Variants in CNTN4 observed in about 807,000 individuals in gnomAD.
CNTN4 encodes contactin 4.
In CNTN4, 77 loss-of-function variants were observed where a neutral mutation model predicts 122.5. The observed-to-expected ratio is 0.63, with a 90% CI of 0.52 to 0.76. The LOEUF (loss-of-function observed/expected upper bound fraction) is 0.76, where lower values mean the gene tolerates loss of function less well. Among genes scored for constraint, CNTN4 ranks in the 30% least tolerant of loss-of-function variants. The pLI, the probability that CNTN4 is intolerant of heterozygous loss-of-function variation, is 0.00. For missense variants in CNTN4, 1,256 were observed against 1,259.1 expected (o/e 1.00, Z 0.04); for synonymous variants, 512 against 447.0 (o/e 1.15, Z -1.83).
chr3:2,980,087 G>A (rs1693818083), intron 13 of CNTN4, among the ~76,000 whole-genome samples: 1 of 152,158 alleles, frequency 6.6e-6, no homozygotes, highest in Non-Finnish European at 1.5e-5. Flanking sequence ...ACTTTTCAAT[G>A]GCTGCAACTC....
Position 2,659,328 on chromosome 3 carries a change from G to A in CNTN4, c.56-76887G>A, listed in dbSNP as rs528534393. Among the ~76,000 whole-genome samples, 53 of 151,938 alleles carry A rather than the reference G, an allele frequency of 3.5e-4. 2 individuals carry two copies. The South Asian group carries it at 0.01, about 30-fold the overall frequency. Reference sequence around the variant, plus strand: ...AATACAAAAATTAGCCAGGTGTAATGGTACATGTCTGTATTCCCAGCTACT... The same window carrying A: ...AATACAAAAATTAGCCAGGTGTAATAGTACATGTCTGTATTCCCAGCTACT... On this transcript the variant is annotated intron_variant, in intron 4 of 24. Coordinates refer to ENST00000418658, the MANE Select transcript of CNTN4 (RefSeq NM_175607.3).
At chr3:2,962,668 T>C (rs766664358) in intron 13 of CNTN4, among the ~76,000 whole-genome samples, 1 of 152,168 alleles carries the variant, frequency 6.6e-6, no homozygotes, top group African/African-American at 2.4e-5. Flanking sequence ...TGTATGACTA[T>C]TGTAGCTTTG....
At chr3:3,024,680 G>A (rs113389588) in intron 14 of CNTN4, among the ~76,000 whole-genome samples, 10,654 of 152,074 alleles carry the variant, frequency 0.07, 540 homozygotes, top group Admixed American at 0.1. Flanking sequence ...TTAGAACAGA[G>A]ATTTCCCTTT....
chr3:2,136,153 A>G (rs1363780720), intron 2 of CNTN4, among the ~76,000 whole-genome samples: 1 of 152,158 alleles, frequency 6.6e-6, no homozygotes, highest in African/African-American at 2.4e-5. Flanking sequence ...AGGTGTAAGG[A>G]TGTAATCCCA....
intron 3 of CNTN4, among the ~76,000 whole-genome samples, chr3:2,548,790 G>A (rs1427191415): frequency 1.3e-5 from 2 of 152,106 alleles, no homozygotes; most frequent in Non-Finnish European, 2.9e-5. Flanking sequence ...TCATGATATT[G>A]ATTCTTCCTA....
intron 4 of CNTN4, among the ~76,000 whole-genome samples, chr3:2,699,599 G>A (rs2086246694): frequency 6.6e-6 from 1 of 152,184 alleles, no homozygotes; most frequent in African/African-American, 2.4e-5. Flanking sequence ...TCACTCCAAA[G>A]TGTTGTCAGG....
In CNTN4 at chr3:3,024,840, C is replaced by T. The variant is rs371596563; in HGVS notation, c.1487-1262C>T. 5.8e-4 allele frequency among the ~76,000 whole-genome samples: 88 copies of T among 152,238 alleles called. 2 individuals are homozygous for T. In the South Asian group the frequency reaches 0.016, roughly 28 times the overall value. ...TCAGATATAATTACAAAATTCCCAG[C>T]GGATATTTTAATCCCAGAGGTTCCC... On this transcript the variant is annotated intron_variant, in intron 14 of 24. Transcript: ENST00000418658.
At chr3:2,712,415 A>T (rs568546561) in intron 4 of CNTN4, among the ~76,000 whole-genome samples, 1 of 152,322 alleles carries the variant, frequency 6.6e-6, no homozygotes, top group South Asian at 2.1e-4. Context: ...TAGAGGAGAA[A>T]AGGTAACATC....
At chr3:2,740,003 G>A (rs775741281) in intron 5 of CNTN4, among the ~76,000 whole-genome samples, 10 of 152,100 alleles carry the variant, frequency 6.6e-5, no homozygotes, top group East Asian at 1.9e-4. Flanking sequence ...GAAAGTGGTC[G>A]TCTTGTACCT....
At chr3:2,212,937 T>C (rs550320800) in intron 2 of CNTN4, among the ~76,000 whole-genome samples, 1 of 152,314 alleles carries the variant, frequency 6.6e-6, no homozygotes, top group South Asian at 2.1e-4. Flanking sequence ...GAGATTTTTA[T>C]GAATCTTTGA....
intron 12 of CNTN4, among the ~76,000 whole-genome samples, chr3:2,913,794 G>A (rs1603891): frequency 0.51 from 77,397 of 151,932 alleles, 19,865 homozygotes; most frequent in East Asian, 0.65. Flanking sequence ...GAACAACCCT[G>A]TAGGCCAGTT....
At chr3:2,648,693 C>T (rs184111945) in intron 4 of CNTN4, among the ~76,000 whole-genome samples, 65 of 152,180 alleles carry the variant, frequency 4.3e-4, no homozygotes, top group African/African-American at 1.5e-3. Context: ...CACCGTGGCC[C>T]CTAAGTGTTC....
chr3:2,471,077 A>T (rs2075668400), intron 3 of CNTN4, among the ~76,000 whole-genome samples: 1 of 152,202 alleles, frequency 6.6e-6, no homozygotes, highest in Non-Finnish European at 1.5e-5. Flanking sequence ...CACCTATAGG[A>T]ATTCATAGGA....
At chr3:3,008,065 A>C (rs1559782034) in intron 14 of CNTN4, among the ~76,000 whole-genome samples, 1 of 152,178 alleles carries the variant, frequency 6.6e-6, no homozygotes, top group African/African-American at 2.4e-5. Flanking sequence ...GATATAAACT[A>C]ATCATTGCTT....
At chr3:2,713,969 A>G (rs1423604722) in intron 4 of CNTN4, among the ~76,000 whole-genome samples, 1 of 152,192 alleles carries the variant, frequency 6.6e-6, no homozygotes, top group African/African-American at 2.4e-5. Context: ...CAATGCATGT[A>G]AAGCACTTAG....
chr3:2,409,392 C>T (rs1249113159), intron 3 of CNTN4, among the ~76,000 whole-genome samples: 1 of 151,786 alleles, frequency 6.6e-6, no homozygotes, highest in African/African-American at 2.4e-5. Context: ...GGACTACAGG[C>T]GCCCGCCACC....
chr3:2,262,001 T>C (rs2040852232), intron 2 of CNTN4, among the ~76,000 whole-genome samples: 1 of 152,178 alleles, frequency 6.6e-6, no homozygotes, highest in Admixed American at 6.5e-5. Flanking sequence ...TTACCCAGGC[T>C]TTTCTCCAGC....
Position 2,456,945 on chromosome 3 carries a change from T to C in CNTN4, c.-88-114471T>C, listed in dbSNP as rs73804591. Among the ~76,000 whole-genome samples, 792 of 152,266 alleles carry C rather than the reference T, an allele frequency of 5.2e-3. 8 individuals are homozygous for C. Among genetic ancestry groups the C allele is most frequent in the African/African-American group, 0.018 (730 of 41,554 alleles). On this transcript the variant is annotated intron_variant, in intron 3 of 24. Transcript: ENST00000418658. ...TGAGTGCTTTGTACCAGGAACTCTT[T>C]AGATTCTCAGAACCCTATGAGGTGA...
At chr3:2,861,838 A>T (rs1429943138) in intron 7 of CNTN4, among the ~76,000 whole-genome samples, 3 of 152,180 alleles carry the variant, frequency 2.0e-5, no homozygotes, top group Non-Finnish European at 4.4e-5. Context: ...GGATTTGATG[A>T]TCTACATATA....
Sources: gnomAD v4.1 joint callset for allele counts (sites outside exome capture counted in the v4.1 genomes callset) on GRCh38, gnomAD v4.1.1 for gene constraint, MANE v1.5 for transcripts, NCBI Gene and HGNC (gene_info 2026-07-23, HGNC 2026-07-21) for gene names.